The following PRUNE2 variants were observed in gnomAD, a reference collection of about 807,000 sequenced individuals.
PRUNE2 encodes prune homolog 2 with BCH domain.
Under a neutral mutation model 252.0 loss-of-function variants are expected in PRUNE2, and 164 were observed. The ratio of observed to expected loss-of-function variants is 0.65; its 90% CI spans 0.57 to 0.74. The LOEUF (loss-of-function observed/expected upper bound fraction) is 0.74, where lower values mean the gene tolerates loss of function less well. Among genes scored for constraint, PRUNE2 ranks in the 30% least tolerant of loss-of-function variants. The pLI is 0.00. For missense variants in PRUNE2, 3,495 were observed against 3,711.0 expected (o/e 0.94, Z 1.51); for synonymous variants, 1,292 against 1,350.2 (o/e 0.96, Z 0.94).
intron 6 of PRUNE2, among the ~76,000 whole-genome samples, chr9:76,734,956 T>C (rs894291728): frequency 4.1e-4 from 62 of 152,006 alleles, no homozygotes; most frequent in African/African-American, 1.5e-3. Context: ...GGAGTGTCCC[T>C]GAGGATGAGG....
chr9:76,880,992 G>A (rs1429256411), intron 1 of PRUNE2, among the ~76,000 whole-genome samples: 4 of 136,198 alleles, frequency 2.9e-5, no homozygotes, highest in East Asian at 4.1e-4. Flanking sequence ...ACGGAGTCTC[G>A]CTCTATCGCC....
intron 1 of PRUNE2, among the ~76,000 whole-genome samples, chr9:76,878,905 T>C (rs1351584284): frequency 1.3e-5 from 2 of 152,198 alleles, no homozygotes; most frequent in Non-Finnish European, 2.9e-5. Context: ...AATTAGGAGT[T>C]AGAAAGTATT....
chr9:76,709,859 T>C lies in PRUNE2; in HGVS notation c.2415A>G (p.Lys805=), dbSNP rs368020931. The C allele has an allele frequency of 1.6e-5, 26 of 1,613,932 alleles. 1 individual carries two copies. The African/African-American group carries it at 3.5e-4, about 22-fold the overall frequency. The part of the protein sequence containing the change: ...APFPAWSAFG[K]EDHDEALKNT... ...TTTTTAAAGCTTCATCATGATCTTC[T>C]TTACCAAATGCACTCCAGGCTGGGA... is the stretch of plus-strand genomic sequence containing the variant. The change falls in exon 8 of 19, where the codon AAA becomes AAG. Residue 805 remains lysine (K), a synonymous_variant. Transcript: ENST00000376718.
At chr9:76,846,724 C>T (rs1486803307) in intron 3 of PRUNE2, 46 bp from the exon 4 acceptor site, 1 of 1,531,392 alleles carries the variant, frequency 6.5e-7, no homozygotes, top group African/African-American at 1.4e-5. Context: ...TATGGCATGT[C>T]TTATTACTTT....
intron 17 of PRUNE2, among the ~76,000 whole-genome samples, chr9:76,621,324 G>A (rs572180667): frequency 6.6e-6 from 1 of 152,306 alleles, no homozygotes; most frequent in African/African-American, 2.4e-5. Context: ...GGCTACTTCA[G>A]AGGCTAAAAG....
chr9:76,773,714 G>A (rs543405205), intron 6 of PRUNE2, among the ~76,000 whole-genome samples: 1 of 152,256 alleles, frequency 6.6e-6, no homozygotes, highest in South Asian at 2.1e-4. Context: ...AAAGTGCTGG[G>A]ATTACAGGCG....
At chr9:76,874,620 T>A (rs1173392229) in intron 1 of PRUNE2, among the ~76,000 whole-genome samples, 1 of 152,214 alleles carries the variant, frequency 6.6e-6, no homozygotes, top group Non-Finnish European at 1.5e-5. Context: ...CGCTCGAGCT[T>A]CATTTGGTAT....
chr9:76,853,577 G>A (rs375765315), intron 2 of PRUNE2, among the ~76,000 whole-genome samples: 5 of 152,124 alleles, frequency 3.3e-5, no homozygotes, highest in East Asian at 1.9e-4. Flanking sequence ...GGATGATCTC[G>A]CTGTACAAAA....
intron 1 of PRUNE2, among the ~76,000 whole-genome samples, chr9:76,865,679 G>GT (rs1169206708): frequency 1.3e-5 from 2 of 152,160 alleles, no homozygotes; most frequent in Non-Finnish European, 2.9e-5. Context: ...TGAAATAACA[G>GT]TATCATGGGA....
At chr9:76,877,713 G>C (rs7025219) in intron 1 of PRUNE2, among the ~76,000 whole-genome samples, 2,734 of 152,252 alleles carry the variant, frequency 0.018, 90 homozygotes, top group African/African-American at 0.062. Flanking sequence ...ATCGGTGAAT[G>C]AATAATCTGC....
intron 12 of PRUNE2, among the ~76,000 whole-genome samples, chr9:76,642,708 T>C (rs1388373537): frequency 6.6e-6 from 1 of 152,204 alleles, no homozygotes. Context: ...ATCATTATGG[T>C]CTAAGAGAGT....
At chr9:76,619,490 A>G in intron 17 of PRUNE2, 103 bp from the exon 18 acceptor site, 1 of 761,574 alleles carries the variant, frequency 1.3e-6, no homozygotes, top group Non-Finnish European at 2.3e-6. Context: ...ATGTGGTCCC[A>G]TTGCTAATAC....
At chr9:76,624,549 G>T in intron 16 of PRUNE2, 59 bp from the exon 17 acceptor site, 1 of 1,247,160 alleles carries the variant, frequency 8.0e-7, no homozygotes, top group South Asian at 2.4e-5. Context: ...AGCACAGCAT[G>T]AGACAGTCAC....
At chr9:76,627,595 C>T (rs755318352) in intron 16 of PRUNE2, among the ~76,000 whole-genome samples, 15 of 152,074 alleles carry the variant, frequency 9.9e-5, no homozygotes, top group Non-Finnish European at 2.1e-4. Context: ...AGCTGACCAC[C>T]GGAAGCCCAG....
intron 5 of PRUNE2, among the ~76,000 whole-genome samples, 159 bp from the exon 6 acceptor site, chr9:76,823,885 A>AT (rs2058188894): frequency 6.6e-6 from 1 of 152,088 alleles, no homozygotes; most frequent in Admixed American, 6.6e-5. Flanking sequence ...CACTAAGGCA[A>AT]TAATCACATC....
chr9:76,719,602 T>C (rs1329360524), intron 6 of PRUNE2, among the ~76,000 whole-genome samples: 1 of 151,776 alleles, frequency 6.6e-6, no homozygotes, highest in African/African-American at 2.4e-5. Flanking sequence ...CTGGGCAACA[T>C]AGTGAGAGCT....
intron 1 of PRUNE2, among the ~76,000 whole-genome samples, chr9:76,899,724 A>G (rs2063056971): frequency 6.6e-6 from 1 of 152,208 alleles, no homozygotes; most frequent in Admixed American, 6.5e-5. Flanking sequence ...CCCAATAGAG[A>G]TATAATGACA....
intron 9 of PRUNE2, among the ~76,000 whole-genome samples, chr9:76,688,384 A>T (rs1351930447): frequency 6.6e-6 from 1 of 152,178 alleles, no homozygotes; most frequent in Non-Finnish European, 1.5e-5. Context: ...GTCTTGTTCC[A>T]TTGAGGAGAG....
chr9:76,892,687 CA>C, intron 1 of PRUNE2, among the ~76,000 whole-genome samples: 1 of 152,104 alleles, frequency 6.6e-6, no homozygotes, highest in East Asian at 1.9e-4. Context: ...GTCCTGTGCA[CA>C]AGGAAGAAAG....
Sources: allele counts gnomAD v4.1 joint callset (sites outside exome capture counted in the v4.1 genomes callset), GRCh38; gene constraint gnomAD v4.1.1; transcripts MANE v1.5; gene names NCBI Gene and HGNC (gene_info 2026-07-23, HGNC 2026-07-21).